THAP5: variants seen among roughly 807,000 people sequenced by gnomAD.
THAP5 encodes THAP domain containing 5.
A neutral mutation model predicts 34.0 loss-of-function variants in THAP5; 26 were observed. That is an observed-to-expected ratio of 0.77 (90% confidence interval 0.56 to 1.06). The LOEUF (loss-of-function observed/expected upper bound fraction) is 1.06, where lower values mean the gene tolerates loss of function less well. THAP5 is among the 50% of genes least tolerant of loss of function. The pLI is 0.00. For synonymous variants in THAP5, 125 were observed against 153.0 expected, an observed-to-expected ratio of 0.82 and a Z score of 1.35; for missense variants, 394 against 452.8, an observed-to-expected ratio of 0.87 and a Z score of 1.18.
intron 1 of THAP5, among the ~76,000 whole-genome samples, chr7:108,556,708 G>A (rs766115256): frequency 3.9e-5 from 6 of 152,194 alleles, no homozygotes; most frequent in Non-Finnish European, 8.8e-5. Flanking sequence ...AGCTTTTCCA[G>A]GTGCATGGGG....
rs149672582 is a variant in THAP5, at chr7:108,564,283, T to C, written c.1096A>G (p.Ile366Val). The C allele has an allele frequency of 9.9e-6, 16 of 1,613,848 alleles. No individual in the cohort carries two copies. The highest frequency in any genetic ancestry group is 1.7e-4 in the Middle Eastern group (1 of 6,056). ...LGRLKSLEAL[I>V]RQLKQENWLS... ...CAGTTTTCCTGCTTTAGCTGCCTTA[T>C]AAGAGCTTCCAAAGACTTCAATCTA... is the stretch of plus-strand genomic sequence containing the variant. Residue 366 changes from isoleucine (I) to valine (V), a missense_variant, in exon 3 of 3, where the codon ATA (isoleucine) becomes GTA (valine). Coordinates refer to ENST00000415914, the MANE Select transcript of THAP5 (RefSeq NM_001130475.3).
At chr7:108,565,710 C>T (rs1790471477) in intron 2 of THAP5, 120 bp downstream of exon 2, 1 of 716,382 alleles carries the variant, frequency 1.4e-6, no homozygotes, top group Non-Finnish European at 2.1e-6. Context: ...ATTAGTGCTC[C>T]CTTTTTTCCA....
chr7:108,542,904 A>C, the THAP5 span, among the ~76,000 whole-genome samples: 6 of 150,986 alleles, frequency 4.0e-5, no homozygotes, highest in African/African-American at 1.5e-4. Context: ...TAGGCTCAAA[A>C]CTTTTTTTTT....
rs1359803283 is a variant in THAP5, at chr7:108,569,659, G to A, written c.-90C>T. 5 of 1,480,524 alleles carry A rather than the reference G, an allele frequency of 3.4e-6. No homozygotes were observed. The highest frequency in any genetic ancestry group is 4.6e-6 in the Non-Finnish European group (5 of 1,096,124). The allele number at this position is 1,480,524 out of a possible 1,614,324, so 91.7% of individuals were successfully genotyped here. ...GATGCGCCACAGGTCCAGGCCTCTCGAGCCCCTGCGCCTGCGCTAGCATTC... is the reference window on the plus strand; with the variant it reads ...GATGCGCCACAGGTCCAGGCCTCTCAAGCCCCTGCGCCTGCGCTAGCATTC... On this transcript the variant is annotated 5_prime_UTR_variant, in exon 1 of 3. Coordinates refer to ENST00000415914, the MANE Select transcript of THAP5 (RefSeq NM_001130475.3).
At chr7:108,554,118 A>T (rs1006136817), downstream of THAP5, among the ~76,000 whole-genome samples, 1 of 152,156 alleles carries the variant, frequency 6.6e-6, no homozygotes. Flanking sequence ...AGAAAGTCCT[A>T]TCAGATGCCA....
the THAP5 span, among the ~76,000 whole-genome samples, chr7:108,542,525 C>T: frequency 5.9e-5 from 9 of 152,156 alleles, no homozygotes; most frequent in Non-Finnish European, 1.0e-4. Flanking sequence ...TGCAGTGGCA[C>T]GATCTCGGCT....
At position 108,563,320 on chromosome 7, in the gene THAP5, C is replaced by T. The variant is rs981749639; in HGVS notation, c.*871G>A. 3 of 151,994 alleles carry T rather than the reference C, an allele frequency of 2.0e-5. No homozygotes were observed. Among genetic ancestry groups the T allele is most frequent in the African/African-American group, 4.8e-5 (2 of 41,376 alleles). The allele number at this position is 151,994 out of a possible 1,614,324, so 9.4% of individuals were successfully genotyped here. ...TGGGAGGCCAAGGTAGGTGGATCAC[C>T]TGGGGTCAGGAGTTCGAGGCCAGCC... On this transcript the variant is annotated 3_prime_UTR_variant, in exon 3 of 3. Coordinates refer to ENST00000415914, the MANE Select transcript of THAP5 (RefSeq NM_001130475.3).
the THAP5 span, among the ~76,000 whole-genome samples, chr7:108,548,767 C>T: frequency 1.6e-4 from 25 of 152,184 alleles, no homozygotes; most frequent in African/African-American, 2.9e-4. Context: ...ATGAGAACAG[C>T]GCAGAAAAGA....
chr7:108,556,363 A>G (rs946412939), intron 1 of THAP5, among the ~76,000 whole-genome samples: 7 of 152,220 alleles, frequency 4.6e-5, no homozygotes, highest in African/African-American at 1.7e-4. Flanking sequence ...AGATAAGTCA[A>G]GAACCTTCTG....
the THAP5 span, among the ~76,000 whole-genome samples, chr7:108,541,847 C>T: frequency 6.6e-6 from 1 of 152,314 alleles, no homozygotes; most frequent in Admixed American, 6.5e-5. Context: ...CATATAAATG[C>T]ATTTCAAAGC....
rs936850098 is a variant in THAP5, at chr7:108,569,676, C to A, written c.-107G>T. ...GGCCTCTCGAGCCCCTGCGCCTGCG[C>A]TAGCATTCTGCCGGGAAAGCCGCCT... On this transcript the variant is annotated 5_prime_UTR_variant, in exon 1 of 3. Transcript: ENST00000415914. The A allele has an allele frequency of 3.1e-5, 44 of 1,422,168 alleles. No homozygotes were observed. The East Asian group carries it at 4.7e-4, about 15-fold the overall frequency. 88.1% of individuals were successfully genotyped at this position (1,422,168 alleles called of 1,614,324 possible).
intron 1 of THAP5, chr7:108,569,253 A>G: frequency 7.1e-7 from 1 of 1,410,988 alleles, no homozygotes; most frequent in Non-Finnish European, 9.2e-7. Context: ...TTACTGTTTT[A>G]ACTGTTAACA....
chr7:108,548,696 G>A, the THAP5 span, among the ~76,000 whole-genome samples: 5 of 152,340 alleles, frequency 3.3e-5, no homozygotes, highest in East Asian at 9.6e-4. Context: ...AGGCAAGAGA[G>A]CTTGTGTAGG....
Position 108,565,050 on chromosome 7 carries a change from T to C in THAP5, c.329A>G (p.Glu110Gly). ...TTCTGACTTGGCTTTTGGGCATACT[T>C]CTTTCTCATCTTCCAAGTTTTTCTT... is the stretch of plus-strand genomic sequence containing the variant. ...SQKKNLEDEKEVCPKAKSEES... is the reference protein window; with the variant it reads ...SQKKNLEDEKGVCPKAKSEES... Residue 110 changes from glutamate (E) to glycine (G), a missense_variant, in exon 3 of 3, where the codon GAA (glutamate) becomes GGA (glycine). Coordinates refer to ENST00000415914, the MANE Select transcript of THAP5 (RefSeq NM_001130475.3). The C allele has an allele frequency of 3.9e-6, 6 of 1,534,998 alleles. No homozygotes were observed. Among genetic ancestry groups the C allele is most frequent in the Non-Finnish European group, 3.5e-6 (4 of 1,141,174 alleles).
intron 1 of THAP5, among the ~76,000 whole-genome samples, chr7:108,567,202 CACAGAAGCA>C (rs1395119240): frequency 6.6e-6 from 1 of 152,050 alleles, no homozygotes; most frequent in Non-Finnish European, 1.5e-5. Context: ...AAATTCCAAC[CACAGAAGCA>C]ATATTAATCA....
intron 2 of THAP5, chr7:108,565,599 G>A (rs76791026): frequency 0.024 from 8,005 of 338,224 alleles, 548 homozygotes; most frequent in African/African-American, 0.15. Context: ...TAAAACTCAT[G>A]AACTTGTGTT....
the THAP5 span, among the ~76,000 whole-genome samples, chr7:108,546,902 A>T: frequency 6.6e-6 from 1 of 152,204 alleles, no homozygotes; most frequent in South Asian, 2.1e-4. Flanking sequence ...GTAATAAAAT[A>T]AATCGGAGCT....
downstream of THAP5, among the ~76,000 whole-genome samples, chr7:108,551,912 C>A (rs374993482): frequency 6.6e-6 from 1 of 152,274 alleles, no homozygotes; most frequent in Non-Finnish European, 1.5e-5. Flanking sequence ...CAGTTGGAGT[C>A]CCCTACCCGA....
the THAP5 span, among the ~76,000 whole-genome samples, chr7:108,544,948 G>A: frequency 1.3e-5 from 2 of 152,140 alleles, no homozygotes; most frequent in Admixed American, 1.3e-4. Context: ...ACTACGCCTG[G>A]CCTAGATTCT....
Sources: gnomAD v4.1 joint callset for allele counts (sites outside exome capture counted in the v4.1 genomes callset) on GRCh38, gnomAD v4.1.1 for gene constraint, MANE v1.5 for transcripts, NCBI Gene and HGNC (gene_info 2026-07-23, HGNC 2026-07-21) for gene names.